Variants in ARHGAP29 observed in about 807,000 individuals in gnomAD.
The protein encoded by ARHGAP29 is rho GTPase-activating protein 29.
Under a neutral mutation model 122.6 loss-of-function variants are expected in ARHGAP29, and 43 were observed. The ratio of observed to expected loss-of-function variants is 0.35; its 90% CI spans 0.27 to 0.45. The LOEUF is 0.45. Among genes scored for constraint, ARHGAP29 ranks in the 20% least tolerant of loss-of-function variants. The pLI is 1.00. For synonymous variants in ARHGAP29, 506 were observed against 497.1 expected (o/e 1.02, Z -0.24); for missense variants, 1,303 against 1,477.2 (o/e 0.88, Z 1.93).
At chr1:94,247,506 A>C (rs1024730586) in intron 1 of ARHGAP29, among the ~76,000 whole-genome samples, 1 of 148,638 alleles carries the variant, frequency 6.7e-6, no homozygotes, top group African/African-American at 2.5e-5. Context: ...CGCGCGGGCG[A>C]CCCCAGCCCG....
chr1:94,285,242 G>A, the ARHGAP29 span, among the ~76,000 whole-genome samples: 1 of 152,058 alleles, frequency 6.6e-6, no homozygotes, highest in African/African-American at 2.4e-5. Flanking sequence ...GATTGAGTAT[G>A]GAACGAGGCA....
Position 94,177,977 on chromosome 1 carries a change from G to T in ARHGAP29, c.2671C>A (p.Gln891Lys). 1 of 1,614,166 alleles carries T rather than the reference G, an allele frequency of 6.2e-7. No individual in the cohort carries two copies. Among genetic ancestry groups the T allele is most frequent in the Non-Finnish European group, 8.5e-7 (1 of 1,180,022 alleles). Residue 891 changes from glutamine to lysine, a missense_variant, in exon 21 of 23, where the codon CAA becomes AAA. Gln to Lys is a moderately conservative substitution (Grantham distance 53). Transcript: ENST00000260526. ...ATGCTACACATAACATCTTGTGGTTGTAGGGACCCATCGAAGATCTTCTGT... is the reference window on the plus strand; with the variant it reads ...ATGCTACACATAACATCTTGTGGTTTTAGGGACCCATCGAAGATCTTCTGT... The part of the protein sequence containing the change: ...YSQKIFDGSL[Q>K]PQDVMCSIGV...
intron 12 of ARHGAP29, chr1:94,192,451 G>C (rs1291973226): frequency 6.6e-6 from 1 of 152,086 alleles, no homozygotes; most frequent in Non-Finnish European, 1.5e-5. Context: ...AGGGGTGATG[G>C]GAGATGAAAC....
At chr1:94,201,510 C>T (rs1213510903) in intron 12 of ARHGAP29, among the ~76,000 whole-genome samples, 42 of 1,164 alleles carry the variant, frequency 0.036, no homozygotes, top group African/African-American at 0.046. Context: ...CCTTCCTTCT[C>T]TCTCTCTCTC....
At chr1:94,206,582 T>G (rs1651205696) in intron 5 of ARHGAP29, among the ~76,000 whole-genome samples, 1 of 152,134 alleles carries the variant, frequency 6.6e-6, no homozygotes, top group Non-Finnish European at 1.5e-5. Context: ...CAAGGCATGG[T>G]ACATAGTAAC....
the ARHGAP29 span, among the ~76,000 whole-genome samples, chr1:94,299,368 C>T: frequency 6.6e-6 from 1 of 152,016 alleles, no homozygotes; most frequent in Non-Finnish European, 1.5e-5. Flanking sequence ...ATTTGAAATA[C>T]AAGGCTTTTT....
chr1:94,260,523 G>A (rs1654520121), intron 1 of ARHGAP29, among the ~76,000 whole-genome samples: 1 of 152,148 alleles, frequency 6.6e-6, no homozygotes, highest in Non-Finnish European at 1.5e-5. Flanking sequence ...AGTGTTCTAT[G>A]GAGTAATCTG....
rs371057991 is a variant in ARHGAP29, at chr1:94,220,246, T to C, written c.340+12A>G. On this transcript the variant is annotated intron_variant, in intron 3 of 22. Transcript: ENST00000260526. ...TGCCCACAGCAACCCACTTTTACTA[T>C]ATCTTCCTTACCTTTCACTTTTGCA... 6.2e-6 allele frequency: 10 copies of C among 1,612,828 alleles called. No individual in the cohort carries two copies. The highest frequency in any genetic ancestry group is 2.2e-5 in the East Asian group (1 of 44,798).
At chr1:94,303,153 G>C in the ARHGAP29 span, 1 of 152,294 alleles carries the variant, frequency 6.6e-6, no homozygotes, top group African/African-American at 2.4e-5. Context: ...TTCTACATCA[G>C]ACACCCTGAA....
intron 16 of ARHGAP29, 144 bp downstream of exon 16, chr1:94,186,355 G>A: frequency 9.4e-6 from 5 of 529,782 alleles, no homozygotes; most frequent in Middle Eastern, 3.9e-4. Context: ...TATAATTGTT[G>A]GGATATATTT....
the ARHGAP29 span, among the ~76,000 whole-genome samples, chr1:94,296,693 G>A: frequency 1.3e-5 from 2 of 152,110 alleles, no homozygotes; most frequent in African/African-American, 4.8e-5. Flanking sequence ...ATAGACTTTG[G>A]CCTCCCCCAA....
At chr1:94,208,338 C>T (rs1651351506) in intron 5 of ARHGAP29, among the ~76,000 whole-genome samples, 1 of 152,232 alleles carries the variant, frequency 6.6e-6, no homozygotes, top group Non-Finnish European at 1.5e-5. Flanking sequence ...GTCCCTGATG[C>T]AGTTTTTTAA....
chr1:94,247,283 G>A (rs953035936), intron 1 of ARHGAP29, among the ~76,000 whole-genome samples: 2 of 152,038 alleles, frequency 1.3e-5, no homozygotes, highest in Admixed American at 1.3e-4. Context: ...AGGGAGCGGG[G>A]CTGAGACACG....
intron 19 of ARHGAP29, among the ~76,000 whole-genome samples, chr1:94,181,225 C>A (rs1440763266): frequency 6.6e-6 from 1 of 152,162 alleles, no homozygotes; most frequent in Non-Finnish European, 1.5e-5. Flanking sequence ...TAAGGAGACT[C>A]AGGGACTGTC....
At chr1:94,211,991 CAAA>C (rs1285307407) in intron 3 of ARHGAP29, among the ~76,000 whole-genome samples, 4 of 151,736 alleles carry the variant, frequency 2.6e-5, no homozygotes, top group Non-Finnish European at 4.4e-5. Context: ...ACCCAGGTGT[CAAA>C]GAAGAAAAAA....
At chr1:94,273,723 A>C (rs1035791555) in intron 1 of ARHGAP29, among the ~76,000 whole-genome samples, 12 of 151,996 alleles carry the variant, frequency 7.9e-5, no homozygotes, top group African/African-American at 2.7e-4. Flanking sequence ...CTTGCCTTGG[A>C]TTTTTTTTAT....
chr1:94,237,611 C>G, upstream of ARHGAP29: 1 of 987,454 alleles, frequency 1.0e-6, no homozygotes, highest in Non-Finnish European at 1.2e-6. Flanking sequence ...CTGCAGCTAC[C>G]GCCACGGCCG....
In ARHGAP29 at chr1:94,186,510, G is replaced by C; in HGVS notation, c.1769C>G (p.Pro590Arg). The C allele has an allele frequency of 6.2e-7, 1 of 1,613,148 alleles. No individual in the cohort carries two copies. The highest frequency in any genetic ancestry group is 1.1e-5 in the South Asian group (1 of 91,046). Residue 590 changes from proline to arginine, a missense_variant, in exon 16 of 23, where the codon CCT becomes CGT. By Grantham distance (103) the Pro-to-Arg change is moderately radical. Transcript: ENST00000260526. The part of the protein sequence containing the change: ...DDLDEREPPS[P>R]SETGPNSLGT... Reference sequence around the variant, plus strand: ...GGTAAATACAATACCAGTTTCTGAAGGGGAAGGTGGCTCTCTTTCATCTAG... The same window carrying C: ...GGTAAATACAATACCAGTTTCTGAACGGGAAGGTGGCTCTCTTTCATCTAG...
chr1:94,297,726 G>A, the ARHGAP29 span, among the ~76,000 whole-genome samples: 34 of 152,274 alleles, frequency 2.2e-4, no homozygotes, highest in Middle Eastern at 3.4e-3. Context: ...GTTTCATCAG[G>A]AACTTGGGGG....
Sources: gnomAD v4.1 joint callset for allele counts (sites outside exome capture counted in the v4.1 genomes callset) on GRCh38, gnomAD v4.1.1 for gene constraint, MANE v1.5 for transcripts, NCBI Gene and HGNC (gene_info 2026-07-23, HGNC 2026-07-21) for gene names.